Variants in KRT18 observed in about 807,000 individuals in gnomAD.
KRT18 encodes the protein keratin 18.
Under a neutral mutation model 39.9 loss-of-function variants are expected in KRT18, and 8 were observed. The ratio of observed to expected loss-of-function variants is 0.20; its 90% CI spans 0.12 to 0.36. The LOEUF (loss-of-function observed/expected upper bound fraction) is 0.36, where lower values mean the gene tolerates loss of function less well. Ranked by LOEUF, KRT18 falls within the 10% of genes least tolerant of loss-of-function variation. The pLI is 1.00. For missense variants in KRT18, 396 were observed against 565.7 expected, an observed-to-expected ratio of 0.70 and a Z score of 3.04; for synonymous variants, 194 against 227.8, an observed-to-expected ratio of 0.85 and a Z score of 1.33.
chr12:52,952,491 G>A, intron 6 of KRT18, 149 bp downstream of exon 6: 1 of 756,738 alleles, frequency 1.3e-6, no homozygotes, highest in Non-Finnish European at 2.3e-6. Flanking sequence ...TGTCTTCAAG[G>A]GAGTAACAGT....
At chr12:52,949,695 C>A (rs1217056095) in intron 1 of KRT18, 105 bp downstream of exon 1, 5 of 1,045,070 alleles carry the variant, frequency 4.8e-6, no homozygotes, top group Middle Eastern at 2.0e-4. Context: ...CCTACTCCAC[C>A]GGGAGGGGGT....
At chr12:52,951,677 G>T in intron 4 of KRT18, 32 bp downstream of exon 4, 1 of 1,613,308 alleles carries the variant, frequency 6.2e-7, no homozygotes, top group Non-Finnish European at 8.5e-7. Flanking sequence ...CTGCCAAGGT[G>T]TGGGAGGGAG....
rs754985586 is a variant in KRT18, at chr12:52,951,752, G to T, written c.844G>T (p.Val282Phe). Residue 282 changes from valine to phenylalanine, a missense_variant, in exon 5 of 7, where the codon GTC becomes TTC. Coordinates refer to ENST00000388835, the MANE Select transcript of KRT18 (RefSeq NM_000224.3). ...GCAGATTGAGGAGAGCACCACAGTG[G>T]TCACCACACAGTCTGCTGAGGTTGG... is the stretch of plus-strand genomic sequence containing the variant. Reference protein sequence around the residue: ...SQQIEESTTVVTTQSAEVGAA... With the variant: ...SQQIEESTTVFTTQSAEVGAA... 1.2e-6 allele frequency: 2 copies of T among 1,613,384 alleles called. No individual in the cohort carries two copies. Among genetic ancestry groups the T allele is most frequent in the Non-Finnish European group, 1.7e-6 (2 of 1,180,016 alleles).
At position 52,951,619 on chromosome 12, in the gene KRT18, G is replaced by A; in HGVS notation, c.796G>A (p.Glu266Lys). 3 of 1,614,014 alleles carry A rather than the reference G, an allele frequency of 1.9e-6. No individual in the cohort carries two copies. Among genetic ancestry groups the A allele is most frequent in the Non-Finnish European group, 2.5e-6 (3 of 1,180,038 alleles). The change falls in exon 4 of 7, where the codon GAG becomes AAG. Residue 266 changes from glutamate to lysine, a missense_variant. By Grantham distance (56) the Glu-to-Lys change is moderately conservative (BLOSUM62 1). Transcript: ENST00000388835. Reference sequence around the variant, plus strand: ...CGAGCTGGCTCGGAAGAACCGAGAGGAGCTAGACAAGTACTGGTCTCAGCA... The same window carrying A: ...CGAGCTGGCTCGGAAGAACCGAGAGAAGCTAGACAAGTACTGGTCTCAGCA... The part of the protein sequence containing the change: ...YDELARKNRE[E>K]LDKYWSQQIE...
chr12:52,950,483 G>T, intron 2 of KRT18, 73 bp downstream of exon 2: 1 of 1,111,642 alleles, frequency 9.0e-7, no homozygotes, highest in Non-Finnish European at 1.4e-6. Flanking sequence ...GGCTGGGTCA[G>T]TTAGGGGCTC....
upstream of KRT18, chr12:52,948,934 G>C (rs79477652): frequency 0.029 from 12,747 of 435,282 alleles, 244 homozygotes; most frequent in East Asian, 0.049. Context: ...CCCCGTTTCT[G>C]GGGGGTGAGC....
chr12:52,952,277 C>A lies in KRT18; in HGVS notation c.1107C>A (p.Ile369=). 1 of 1,608,742 alleles carries A rather than the reference C, an allele frequency of 6.2e-7. No homozygotes were observed. The highest frequency in any genetic ancestry group is 8.5e-7 in the Non-Finnish European group (1 of 1,178,512). The change falls in exon 6 of 7, where the codon ATC becomes ATA. Residue 369 remains isoleucine (I), a synonymous_variant. Coordinates refer to ENST00000388835, the MANE Select transcript of KRT18 (RefSeq NM_000224.3). ...AGGAGTATGAGGCCCTGCTGAACAT[C>A]AAGGTCAAGCTGGAGGCTGAGATCG... The part of the protein sequence containing the change: ...QAQEYEALLN[I]KVKLEAEIAT...
chr12:52,952,779 C>G lies in KRT18; in HGVS notation c.1230C>G (p.Thr410=), dbSNP rs386834225. ...NSMQTIQKTT[T]RRIVDGKVVS... ...TGCAAACCATCCAAAAGACCACCACCCGCCGGATAGTGGATGGCAAAGTGG... is the reference window on the plus strand; with the variant it reads ...TGCAAACCATCCAAAAGACCACCACGCGCCGGATAGTGGATGGCAAAGTGG... The change falls in exon 7 of 7, where the codon ACC becomes ACG. Residue 410 remains threonine (T), a synonymous_variant. Transcript: ENST00000388835. 89 of 1,612,594 alleles carry G rather than the reference C, an allele frequency of 5.5e-5. No individual in the cohort carries two copies. In the East Asian group the frequency reaches 2.0e-3, roughly 36 times the overall value.
At chr12:52,951,985 C>G in intron 5 of KRT18, 129 bp downstream of exon 5, 2 of 1,352,184 alleles carry the variant, frequency 1.5e-6, no homozygotes, top group Non-Finnish European at 2.1e-6. Flanking sequence ...TTCCTCTTTG[C>G]ATTTCCCTCC....
chr12:52,951,523 A>G lies in KRT18; in HGVS notation c.700A>G (p.Thr234Ala). The G allele has an allele frequency of 6.2e-7, 1 of 1,614,056 alleles. No homozygotes were observed. Among genetic ancestry groups the G allele is most frequent in the South Asian group, 1.1e-5 (1 of 91,070 alleles). The stretch of plus-strand genomic sequence containing the variant: ...AGCCCAGATTGCCAGCTCTGGGTTG[A>G]CCGTGGAGGTAGATGCCCCCAAATC... Reference protein sequence around the residue: ...LQAQIASSGLTVEVDAPKSQD... With the variant: ...LQAQIASSGLAVEVDAPKSQD... The change falls in exon 4 of 7, where the codon ACC (threonine) becomes GCC (alanine). Residue 234 changes from threonine (T) to alanine (A), a missense_variant. Transcript: ENST00000388835.
chr12:52,949,126 C>T lies in KRT18; in HGVS notation c.-48C>T, dbSNP rs758566910. 5.2e-6 allele frequency: 7 copies of T among 1,344,640 alleles called. No individual in the cohort carries two copies. The African/African-American group carries it at 1.3e-4, about 24-fold the overall frequency. 83.3% of individuals were successfully genotyped at this position (1,344,640 alleles called of 1,614,324 possible). ...TCGCGCGGCTCGCGCAGGCCGCCAC[C>T]GTCGTCCGCAAAGCCTGAGTCCTGT... On this transcript the variant is annotated 5_prime_UTR_variant, in exon 1 of 7. Transcript: ENST00000388835.
chr12:52,950,619 G>A (rs1565738350), intron 2 of KRT18, 131 bp from the exon 3 acceptor site: 1 of 947,112 alleles, frequency 1.1e-6, no homozygotes, highest in Non-Finnish European at 1.7e-6. Flanking sequence ...GGTGCTCAGG[G>A]GATTACCACC....
At chr12:52,950,450 A>C (rs1942462704) in intron 2 of KRT18, 40 bp downstream of exon 2, 4 of 1,440,686 alleles carry the variant, frequency 2.8e-6, no homozygotes, top group Non-Finnish European at 3.9e-6. Context: ...CCAGGGGTGG[A>C]GCTAAGAAGG....
intron 5 of KRT18, 114 bp downstream of exon 5, chr12:52,951,970 T>A (rs1942498449): frequency 2.1e-6 from 3 of 1,415,788 alleles, no homozygotes; most frequent in Admixed American, 3.4e-5. Flanking sequence ...TCAGAAAGAG[T>A]CAGTTTCCTC....
At chr12:52,950,280 T>C in intron 1 of KRT18, 48 bp from the exon 2 acceptor site, 4 of 1,351,932 alleles carry the variant, frequency 3.0e-6, no homozygotes, top group Non-Finnish European at 3.2e-6. Context: ...ACCCCACCCA[T>C]CCCTGGCTTT....
At chr12:52,949,842 T>G (rs1349248371) in intron 1 of KRT18, 1 of 701,662 alleles carries the variant, frequency 1.4e-6, no homozygotes, top group South Asian at 1.5e-5. Flanking sequence ...GTGGACAGCA[T>G]GGAGGGAGGT....
intron 6 of KRT18, 81 bp downstream of exon 6, chr12:52,952,423 A>T (rs902007566): frequency 1.6e-5 from 16 of 1,001,576 alleles, no homozygotes; most frequent in Admixed American, 4.0e-5. Flanking sequence ...GAAGCACCCC[A>T]TGTGTCTGTT....
At chr12:52,950,591 C>A in intron 2 of KRT18, 159 bp from the exon 3 acceptor site, 1 of 829,774 alleles carries the variant, frequency 1.2e-6, no homozygotes, top group Non-Finnish European at 2.0e-6. Context: ...AGAATACTGT[C>A]CTCCAAGTGC....
chr12:52,952,021 G>A, intron 5 of KRT18, 98 bp from the exon 6 acceptor site: 1 of 1,295,318 alleles, frequency 7.7e-7, no homozygotes, highest in South Asian at 1.3e-5. Context: ...CCCAGTACTT[G>A]GCACATAGCA....
Sources: gnomAD v4.1 joint callset for allele counts on GRCh38, gnomAD v4.1.1 for gene constraint, MANE v1.5 for transcripts, NCBI Gene and HGNC (gene_info 2026-07-23, HGNC 2026-07-21) for gene names.